Variants in PLPBP observed in about 807,000 individuals in gnomAD.
PLPBP encodes the protein pyridoxal phosphate homeostasis protein.
In PLPBP, 21 loss-of-function variants were observed where a neutral mutation model predicts 31.2. The observed-to-expected ratio is 0.67, with a 90% CI of 0.48 to 0.97. The LOEUF (loss-of-function observed/expected upper bound fraction) is 0.97, where lower values mean the gene tolerates loss of function less well. Ranked by LOEUF, PLPBP falls within the 50% of genes least tolerant of loss-of-function variation. PLPBP has a pLI of 0.00. For missense variants in PLPBP, 308 were observed against 354.4 expected, an observed-to-expected ratio of 0.87 and a Z score of 1.05; for synonymous variants, 124 against 135.6, an observed-to-expected ratio of 0.91 and a Z score of 0.59.
chr8:37,765,670 T>C (rs576080618), intron 2 of PLPBP, 37 bp downstream of exon 2: 1 of 1,614,244 alleles, frequency 6.2e-7, no homozygotes, highest in South Asian at 1.1e-5. Context: ...GGAAGCATCA[T>C]GATTGCCAGG....
In PLPBP at chr8:37,776,034, G is replaced by A; in HGVS notation, c.696+18G>A. ...AGCATGCGGTGAGTGTCCTGCCAGT[G>A]CCCTGTCTGCCTCGAGGGGTGGGGG... On this transcript the variant is annotated intron_variant, in intron 7 of 7. Coordinates refer to ENST00000328195, the MANE Select transcript of PLPBP (RefSeq NM_007198.4). 1 of 1,603,818 alleles carries A rather than the reference G, an allele frequency of 6.2e-7. No individual in the cohort carries two copies. Among genetic ancestry groups the A allele is most frequent in the East Asian group, 2.2e-5 (1 of 44,798 alleles).
intron 5 of PLPBP, 75 bp downstream of exon 5, chr8:37,772,964 A>C: frequency 1.9e-6 from 3 of 1,564,960 alleles, no homozygotes; most frequent in Non-Finnish European, 2.6e-6. Flanking sequence ...GGGTGGGCCC[A>C]AGTGTCTGAT....
chr8:37,773,360 G>T (rs1030157970), intron 5 of PLPBP, among the ~76,000 whole-genome samples: 4 of 151,248 alleles, frequency 2.6e-5, no homozygotes, highest in African/African-American at 7.3e-5. Context: ...TAGCGATGGG[G>T]TTTCACCATA....
intron 7 of PLPBP, 143 bp downstream of exon 7, chr8:37,776,159 C>A: frequency 1.4e-6 from 1 of 735,496 alleles, no homozygotes; most frequent in Non-Finnish European, 2.3e-6. Flanking sequence ...GCTATTCCAG[C>A]ATCTCCCATT....
intron 7 of PLPBP, among the ~76,000 whole-genome samples, chr8:37,776,478 C>CAAA (rs915875297): frequency 4.3e-3 from 46 of 10,604 alleles, no homozygotes; most frequent in Non-Finnish European, 5.3e-3. Context: ...GACTCCATCT[C>CAAA]AAAAAAAAAA....
At position 37,778,365 on chromosome 8, in the gene PLPBP, TCTGCCCAGGAGCATGAA is replaced by T; in HGVS notation, c.*265_*281del. 1 of 289,306 alleles carries T rather than the reference TCTGCCCAGGAGCATGAA, an allele frequency of 3.5e-6. No individual in the cohort carries two copies. Among genetic ancestry groups the T allele is most frequent in the Non-Finnish European group, 6.6e-6 (1 of 151,680 alleles). 17.9% of individuals were successfully genotyped at this position (289,306 alleles called of 1,614,324 possible). A position where few individuals can be genotyped will look rare whatever the true frequency, so the allele number is the denominator to read the frequency against. Reference sequence around the variant, plus strand: ...CTAGGAATCATGTTCAATATTGAATTCTGCCCAGGAGCATGAACTGATCCATGAATGCCTTTTCCAGG... The same window carrying T: ...CTAGGAATCATGTTCAATATTGAATTCTGATCCATGAATGCCTTTTCCAGG... On this transcript the variant is annotated 3_prime_UTR_variant, in exon 8 of 8. Transcript: ENST00000328195.
chr8:37,767,442 G>A (rs1293455047), intron 4 of PLPBP, among the ~76,000 whole-genome samples: 1 of 152,190 alleles, frequency 6.6e-6, no homozygotes, highest in African/African-American at 2.4e-5. Flanking sequence ...AGGGAATCAT[G>A]AAGTATGTAC....
intron 7 of PLPBP, 137 bp downstream of exon 7, chr8:37,776,153 T>G (rs916134341): frequency 3.9e-6 from 3 of 761,698 alleles, no homozygotes. Flanking sequence ...GTGTCAGCTA[T>G]TCCAGCATCT....
At chr8:37,774,273 T>C (rs1803847530) in intron 5 of PLPBP, among the ~76,000 whole-genome samples, 1 of 152,214 alleles carries the variant, frequency 6.6e-6, no homozygotes, top group Non-Finnish European at 1.5e-5. Context: ...TTTATGGGGC[T>C]TGGATTAACA....
chr8:37,768,465 C>CTTTTTTTTTTTTTT (rs903134254), intron 4 of PLPBP, among the ~76,000 whole-genome samples: 2 of 76,830 alleles, frequency 2.6e-5, no homozygotes, highest in Non-Finnish European at 4.8e-5. Context: ...TTTTGATTTT[C>CTTTTTTTTTTTTTT]TTTTTTTTTT....
Position 37,762,775 on chromosome 8 carries a change from C to T in PLPBP, c.99+17C>T. 1 of 1,546,424 alleles carries T rather than the reference C, an allele frequency of 6.5e-7. No individual in the cohort carries two copies. Among genetic ancestry groups the T allele is most frequent in the South Asian group, 1.2e-5 (1 of 84,700 alleles). ...CGGCCGCGGGTGAGGAAGGAGGCTG[C>T]GTGGGGACGGTGGGCGGCCGCCTTG... is the stretch of plus-strand genomic sequence containing the variant. On this transcript the variant is annotated intron_variant, in intron 1 of 7. Coordinates refer to ENST00000328195, the MANE Select transcript of PLPBP (RefSeq NM_007198.4).
intron 5 of PLPBP, chr8:37,775,055 G>A (rs1803863382): frequency 4.1e-6 from 1 of 241,028 alleles, no homozygotes; most frequent in Admixed American, 5.4e-5. Context: ...AAAAAAGCAA[G>A]ATTTTTTCTT....
At chr8:37,773,093 T>TTTCTTAATAATAA (rs1259953829) in intron 5 of PLPBP, among the ~76,000 whole-genome samples, 3 of 152,180 alleles carry the variant, frequency 2.0e-5, no homozygotes, top group African/African-American at 7.2e-5. Flanking sequence ...TACTACATCA[T>TTTCTTAATAATAA]GGTTCATTAT....
chr8:37,775,833 C>T (rs932449159), intron 6 of PLPBP, 85 bp from the exon 7 acceptor site: 36 of 1,323,916 alleles, frequency 2.7e-5, no homozygotes, highest in South Asian at 2.1e-4. Context: ...AATACATAAC[C>T]GTTGTCAGAG....
chr8:37,772,932 A>G (rs375453652), intron 5 of PLPBP, 43 bp downstream of exon 5: 54 of 1,609,794 alleles, frequency 3.4e-5, no homozygotes, highest in Admixed American at 1.2e-4. Context: ...TTCCTTTAGG[A>G]TGGTTGAAGC....
Position 37,779,135 on chromosome 8 carries a change from AAGG to A in PLPBP, c.*1036_*1038del, listed in dbSNP as rs1193049516. On this transcript the variant is annotated 3_prime_UTR_variant, in exon 8 of 8. Coordinates refer to ENST00000328195, the MANE Select transcript of PLPBP (RefSeq NM_007198.4). ...TATCCCTGAAATTAAAGGATAACAT[AAGG>A]AGGACTTGGGCCTTTCTGACATCAT... 2 of 152,122 alleles carry A rather than the reference AAGG, an allele frequency of 1.3e-5. No individual in the cohort carries two copies. Among genetic ancestry groups the A allele is most frequent in the African/African-American group, 4.8e-5 (2 of 41,420 alleles). The allele number at this position is 152,122 out of a possible 1,614,324, so 9.4% of individuals were successfully genotyped here.
intron 4 of PLPBP, chr8:37,766,887 T>A (rs1232798869): frequency 1.3e-5 from 2 of 155,076 alleles, no homozygotes; most frequent in African/African-American, 4.8e-5. Flanking sequence ...CTATTAAAAA[T>A]GCAAAAAAAT....
rs767114174 is a variant in PLPBP at position 37,765,762 on chromosome 8, AAT to A, written c.243+17_243+18del. The A allele has an allele frequency of 1.9e-4, 309 of 1,605,204 alleles. 2 individuals are homozygous for A. The East Asian group carries it at 6.8e-3, about 35-fold the overall frequency. On this transcript the variant is annotated intron_variant, in intron 3 of 7. Transcript: ENST00000328195. Reference sequence around the variant, plus strand: ...AAATCCCAAAGTAAGTAGATAGCTGAATTCTTTAATTTGTATCTAAATCTTGG... The same window carrying A: ...AAATCCCAAAGTAAGTAGATAGCTGATCTTTAATTTGTATCTAAATCTTGG...
intron 4 of PLPBP, among the ~76,000 whole-genome samples, chr8:37,767,062 A>G (rs1227433484): frequency 6.6e-6 from 1 of 151,598 alleles, no homozygotes; most frequent in African/African-American, 2.4e-5. Flanking sequence ...AAAAAAAAAA[A>G]AAAAAAACAA....
Sources: gnomAD v4.1 joint callset for allele counts (sites outside exome capture counted in the v4.1 genomes callset) on GRCh38, gnomAD v4.1.1 for gene constraint, MANE v1.5 for transcripts, NCBI Gene and HGNC (gene_info 2026-07-23, HGNC 2026-07-21) for gene names.